The following LDHB variants were observed in gnomAD, a reference collection of about 807,000 sequenced individuals.
LDHB encodes L-lactate dehydrogenase B chain.
In LDHB, 18 loss-of-function variants were observed where a neutral mutation model predicts 33.4. That is an observed-to-expected ratio of 0.54 (90% CI 0.37 to 0.80). LDHB has a LOEUF of 0.80. LDHB is among the 30% of genes least tolerant of loss of function. The pLI is 0.00. For synonymous variants in LDHB, 121 were observed against 140.6 expected (o/e 0.86, Z 0.98); for missense variants, 345 against 407.9 (o/e 0.85, Z 1.33).
At chr12:21,639,046 G>A (rs1324947829) in intron 5 of LDHB, among the ~76,000 whole-genome samples, 1 of 151,914 alleles carries the variant, frequency 6.6e-6, no homozygotes, top group Non-Finnish European at 1.5e-5. Context: ...ACCTTTGGAG[G>A]AGTACATTGT....
At chr12:21,640,885 G>T (rs1024129004) in intron 5 of LDHB, among the ~76,000 whole-genome samples, 2 of 151,718 alleles carry the variant, frequency 1.3e-5, no homozygotes, top group African/African-American at 4.8e-5. Context: ...GGGACAACTT[G>T]AGCATTACAA....
In LDHB at chr12:21,638,398, T is replaced by C. The variant is rs1390178148; in HGVS notation, c.668A>G (p.Asn223Ser). The part of the protein sequence containing the change: ...QELNPEMGTD[N>S]DSENWKEVHK... The stretch of plus-strand genomic sequence containing the variant: ...CACTTCCTTCCAATTTTCACTATCA[T>C]TGTCAGTTCCCATTTCTGGATTCAA... Residue 223 changes from asparagine to serine, a missense_variant, in exon 6 of 8, where the codon AAT (asparagine) becomes AGT (serine). By Grantham distance (46) the Asn-to-Ser change is conservative (BLOSUM62 1). Transcript: ENST00000350669. 1.9e-6 allele frequency: 3 copies of C among 1,611,674 alleles called. No homozygotes were observed. Among genetic ancestry groups the C allele is most frequent in the Admixed American group, 3.3e-5 (2 of 59,918 alleles).
chr12:21,645,319 G>A (rs1423554887), intron 3 of LDHB, among the ~76,000 whole-genome samples: 1 of 152,056 alleles, frequency 6.6e-6, no homozygotes, highest in Non-Finnish European at 1.5e-5. Context: ...ATATGGCCTC[G>A]TGGGAAGGGA....
chr12:21,656,105 A>C (rs925433615), intron 1 of LDHB, among the ~76,000 whole-genome samples: 1 of 152,252 alleles, frequency 6.6e-6, no homozygotes, highest in African/African-American at 2.4e-5. Context: ...TCTGCAATGG[A>C]CTAAGCAATA....
intron 2 of LDHB, among the ~76,000 whole-genome samples, chr12:21,653,299 C>T (rs970413087): frequency 6.6e-6 from 1 of 152,088 alleles, no homozygotes; most frequent in African/African-American, 2.4e-5. Context: ...ATGTCCTATT[C>T]TTAGGAAACG....
At position 21,642,035 on chromosome 12, in the gene LDHB, A is replaced by T; in HGVS notation, c.512T>A (p.Phe171Tyr). Residue 171 changes from phenylalanine to tyrosine, a missense_variant, in exon 5 of 8, where the codon TTT (phenylalanine) becomes TAT (tyrosine). By Grantham distance (22) the Phe-to-Tyr change is conservative. Coordinates refer to ENST00000350669, the MANE Select transcript of LDHB (RefSeq NM_002300.8). ...AAGTTTTTCAGCCATAAGGTAGCGAAATCTAGCAGAATCCAGATTACATCC... is the reference window on the plus strand; with the variant it reads ...AAGTTTTTCAGCCATAAGGTAGCGATATCTAGCAGAATCCAGATTACATCC... ...GSGCNLDSARFRYLMAEKLGI... is the reference protein window; with the variant it reads ...GSGCNLDSARYRYLMAEKLGI... 6.2e-7 allele frequency: 1 copy of T among 1,613,716 alleles called. No individual in the cohort carries two copies. The highest frequency in any genetic ancestry group is 8.5e-7 in the Non-Finnish European group (1 of 1,179,740).
At chr12:21,651,275 T>C (rs930606389) in intron 2 of LDHB, among the ~76,000 whole-genome samples, 8 of 152,206 alleles carry the variant, frequency 5.3e-5, no homozygotes, top group Admixed American at 4.6e-4. Context: ...TGGGATTTTA[T>C]GTATGTGTGT....
intron 4 of LDHB, chr12:21,643,634 A>T (rs1293106623): frequency 2.9e-6 from 1 of 346,008 alleles, no homozygotes; most frequent in East Asian, 5.2e-5. Flanking sequence ...CGAATGCTTC[A>T]TTCTCCATCC....
rs1376832230 is a variant in LDHB at position 21,650,113 on chromosome 12, C to T, written c.130-3097G>A. ...TCTCAAGAGAAAAAAAATACACACA[C>T]ACACACACACACACACACACACACA... On this transcript the variant is annotated intron_variant, in intron 2 of 7. Transcript: ENST00000350669. Among the ~76,000 whole-genome samples the T allele has an allele frequency of 1.9e-3, 172 of 88,726 alleles. 3 individuals carry two copies. The highest frequency in any genetic ancestry group is 6.3e-3 in the African/African-American group (160 of 25,220). 58.2% of individuals were successfully genotyped at this position (88,726 alleles called of 152,430 possible). A position where few individuals can be genotyped will look rare whatever the true frequency, so the allele number is the denominator to read the frequency against.
At chr12:21,648,040 A>G (rs889581046) in intron 2 of LDHB, among the ~76,000 whole-genome samples, 6 of 1,490 alleles carry the variant, frequency 4.0e-3, no homozygotes, top group Admixed American at 0.071. Context: ...AAAGAAAGGA[A>G]AAAAAAAAGG....
At position 21,654,614 on chromosome 12, in the gene LDHB, G is replaced by A; in HGVS notation, c.58C>T (p.Pro20Ser). Reference protein sequence around the residue: ...APVAEEEATVPNNKITVVGVG... With the variant: ...APVAEEEATVSNNKITVVGVG... The stretch of plus-strand genomic sequence containing the variant: ...CCCACTACAGTGATCTTATTGTTTG[G>A]AACTGTTGCCTCTTCTTCCGCAACT... The change falls in exon 2 of 8, where the codon CCA becomes TCA. Residue 20 changes from proline (P) to serine (S), a missense_variant. By Grantham distance (74) the Pro-to-Ser change is moderately conservative (BLOSUM62 -1). Coordinates refer to ENST00000350669, the MANE Select transcript of LDHB (RefSeq NM_002300.8). 1 of 1,613,932 alleles carries A rather than the reference G, an allele frequency of 6.2e-7. No individual in the cohort carries two copies. The highest frequency in any genetic ancestry group is 8.5e-7 in the Non-Finnish European group (1 of 1,179,834).
intron 6 of LDHB, among the ~76,000 whole-genome samples, chr12:21,637,812 T>C (rs922131072): frequency 6.6e-6 from 1 of 151,988 alleles, no homozygotes; most frequent in Non-Finnish European, 1.5e-5. Context: ...TTTTCTCACT[T>C]GTAAAATAAA....
chr12:21,650,143 C>T (rs1215344323), intron 2 of LDHB, among the ~76,000 whole-genome samples: 1,639 of 91,780 alleles, frequency 0.018, 35 homozygotes, highest in South Asian at 0.034. Context: ...CACACACACA[C>T]ACACACACGT....
At chr12:21,651,708 C>G (rs1938695639) in intron 2 of LDHB, among the ~76,000 whole-genome samples, 1 of 152,120 alleles carries the variant, frequency 6.6e-6, no homozygotes, top group Admixed American at 6.5e-5. Flanking sequence ...CAGTTATATT[C>G]CTTTCTCTAT....
chr12:21,647,953 T>TC (rs1353711944), intron 2 of LDHB, among the ~76,000 whole-genome samples: 1 of 151,992 alleles, frequency 6.6e-6, no homozygotes, highest in Non-Finnish European at 1.5e-5. Flanking sequence ...CGCCCCGGCC[T>TC]CCCAAAATGC....
chr12:21,645,245 G>GGCCA (rs1565628016), intron 3 of LDHB, among the ~76,000 whole-genome samples: 9 of 81,990 alleles, frequency 1.1e-4, no homozygotes, highest in East Asian at 7.7e-4. Context: ...ATGGAAGGCC[G>GGCCA]CAGGGACCTC....
Position 21,654,532 on chromosome 12 carries a change from T to C in LDHB, c.129+11A>G, listed in dbSNP as rs886049166. On this transcript the variant is annotated intron_variant, in intron 2 of 7. Coordinates refer to ENST00000350669, the MANE Select transcript of LDHB (RefSeq NM_002300.8). Reference sequence around the variant, plus strand: ...AACTTCTCTATCATCTATGGTGTTCTTGAAATGTACCTTTCCCAGAATGCT... The same window carrying C: ...AACTTCTCTATCATCTATGGTGTTCCTGAAATGTACCTTTCCCAGAATGCT... 29 of 1,613,704 alleles carry C rather than the reference T, an allele frequency of 1.8e-5. No homozygotes were observed. Among genetic ancestry groups the C allele is most frequent in the Non-Finnish European group, 2.4e-5 (28 of 1,179,702 alleles).
Position 21,638,648 on chromosome 12 carries a change from C to G in LDHB, c.596-178G>C, listed in dbSNP as rs536933768. 8.9e-5 allele frequency: 52 copies of G among 585,272 alleles called. No individual in the cohort carries two copies. In the East Asian group the frequency reaches 1.5e-3, roughly 17 times the overall value. 36.3% of individuals were successfully genotyped at this position (585,272 alleles called of 1,614,324 possible). A position where few individuals can be genotyped will look rare whatever the true frequency, so the allele number is the denominator to read the frequency against. On this transcript the variant is annotated intron_variant, in intron 5 of 7. Coordinates refer to ENST00000350669, the MANE Select transcript of LDHB (RefSeq NM_002300.8). Reference sequence around the variant, plus strand: ...AGTTCCCCAAAAAGGCTGACGTTTGCCTTCAAATAGCAACATGTCTGACCT... The same window carrying G: ...AGTTCCCCAAAAAGGCTGACGTTTGGCTTCAAATAGCAACATGTCTGACCT...
At chr12:21,646,651 GAAGT>G (rs1373773119) in intron 3 of LDHB, among the ~76,000 whole-genome samples, 1 of 152,092 alleles carries the variant, frequency 6.6e-6, no homozygotes, top group African/African-American at 2.4e-5. Flanking sequence ...ATACAGTAGA[GAAGT>G]AAGAGCTTTT....
Sources: gnomAD v4.1 joint callset for allele counts (sites outside exome capture counted in the v4.1 genomes callset) on GRCh38, gnomAD v4.1.1 for gene constraint, MANE v1.5 for transcripts, NCBI Gene and HGNC (gene_info 2026-07-23, HGNC 2026-07-21) for gene names.